NCALD: variants seen among roughly 807,000 people sequenced by gnomAD.
NCALD encodes neurocalcin delta, also known as neurocalcin-delta.
NCALD carries 10 observed loss-of-function variants against 18.6 expected under a neutral mutation model. The ratio of observed to expected loss-of-function variants is 0.54; its 90% confidence interval spans 0.33 to 0.91. The LOEUF (loss-of-function observed/expected upper bound fraction) is 0.91. NCALD is among the 40% of genes least tolerant of loss of function. The pLI is 0.03. For missense variants in NCALD, 184 were observed against 247.6 expected, an observed-to-expected ratio of 0.74 and a Z score of 1.72; for synonymous variants, 88 against 87.4, an observed-to-expected ratio of 1.01 and a Z score of -0.04.
At chr8:101,754,591 A>C (rs973930931) in intron 1 of NCALD, among the ~76,000 whole-genome samples, 5 of 152,068 alleles carry the variant, frequency 3.3e-5, no homozygotes, top group Non-Finnish European at 7.4e-5. Flanking sequence ...TGACATAATC[A>C]CTTCTCAAAG....
At chr8:101,853,877 G>C (rs577972475) in intron 4 of NCALD, among the ~76,000 whole-genome samples, 5 of 152,262 alleles carry the variant, frequency 3.3e-5, no homozygotes, top group African/African-American at 1.2e-4. Flanking sequence ...AACCTAGGGT[G>C]ACATTAAGAA....
Position 101,935,936 on chromosome 8 carries a change from G to A in NCALD, c.-156-20078C>T, listed in dbSNP as rs183716725. ...CTAAGTAAGAGAACAGATGAGATGC[G>A]GAGCACACGATTAGTGCTGGCTTTA... On this transcript the variant is annotated intron_variant, in intron 2 of 6. Coordinates refer to the NCALD transcript ENST00000311028. 9.3e-4 allele frequency among the ~76,000 whole-genome samples: 142 copies of A among 152,114 alleles called. 1 individual carries two copies. The highest frequency in any genetic ancestry group is 3.2e-3 in the African/African-American group (134 of 41,494).
chr8:102,038,855 G>A (rs1056548064), intron 1 of NCALD, among the ~76,000 whole-genome samples: 4 of 152,126 alleles, frequency 2.6e-5, no homozygotes, highest in Non-Finnish European at 5.9e-5. Context: ...TATGGCAAAT[G>A]GTGATGTGCT....
At chr8:101,812,556 C>A (rs1188693131) in intron 4 of NCALD, among the ~76,000 whole-genome samples, 1 of 152,102 alleles carries the variant, frequency 6.6e-6, no homozygotes, top group Non-Finnish European at 1.5e-5. Context: ...GTGAAATCCT[C>A]AGTTGACAGT....
At chr8:102,032,079 T>A (rs1178278362) in intron 1 of NCALD, among the ~76,000 whole-genome samples, 2 of 152,202 alleles carry the variant, frequency 1.3e-5, no homozygotes, top group Non-Finnish European at 2.9e-5. Flanking sequence ...GGACACTTGA[T>A]GACCATATGA....
upstream of NCALD, among the ~76,000 whole-genome samples, chr8:101,792,491 G>T (rs1812482805): frequency 6.6e-6 from 1 of 152,096 alleles, no homozygotes; most frequent in Non-Finnish European, 1.5e-5. Flanking sequence ...AAACTATAAG[G>T]AACTTTCCTC....
At chr8:101,816,473 G>C (rs950449566) in intron 4 of NCALD, among the ~76,000 whole-genome samples, 2 of 152,002 alleles carry the variant, frequency 1.3e-5, no homozygotes, top group Non-Finnish European at 2.9e-5. Context: ...TGTGCCCCCC[G>C]CCAACATAAT....
intron 2 of NCALD, among the ~76,000 whole-genome samples, chr8:101,961,466 T>C (rs1470967189): frequency 6.6e-6 from 1 of 152,216 alleles, no homozygotes. Flanking sequence ...ATGGTCAAAG[T>C]TTCCAGTCCT....
At chr8:101,865,070 G>A (rs1002778831) in intron 4 of NCALD, among the ~76,000 whole-genome samples, 1 of 152,110 alleles carries the variant, frequency 6.6e-6, no homozygotes, top group East Asian at 1.9e-4. Context: ...AGAAGTAAGG[G>A]GGTTCTAGTT....
chr8:102,091,035 G>A (rs1017223899), intron 1 of NCALD, among the ~76,000 whole-genome samples: 2 of 152,114 alleles, frequency 1.3e-5, no homozygotes, highest in Non-Finnish European at 2.9e-5. Flanking sequence ...ACAGGCCCAG[G>A]AGCCCCAATT....
chr8:102,085,380 T>C (rs951688394), intron 1 of NCALD, among the ~76,000 whole-genome samples: 3 of 152,200 alleles, frequency 2.0e-5, no homozygotes. Context: ...CTATGCAGCA[T>C]AAACAGTACT....
intron 4 of NCALD, among the ~76,000 whole-genome samples, chr8:101,808,905 C>CAG (rs146283686): frequency 2.0e-5 from 3 of 151,350 alleles, no homozygotes; most frequent in Admixed American, 6.6e-5. Flanking sequence ...GGGAGAGAGA[C>CAG]AGAGAGAGAG....
At chr8:101,737,440 A>G (rs2130654902) in intron 1 of NCALD, among the ~76,000 whole-genome samples, 1 of 152,242 alleles carries the variant, frequency 6.6e-6, no homozygotes, top group Non-Finnish European at 1.5e-5. Flanking sequence ...TCCTTTCTCA[A>G]AAATCTTCCA....
chr8:101,967,588 G>A lies in NCALD; in HGVS notation c.-156-51730C>T, dbSNP rs576487086. On this transcript the variant is annotated intron_variant, in intron 2 of 6. Coordinates refer to the NCALD transcript ENST00000311028. ...ATACTCTGCCACTGAGACAACTACA[G>A]TTTTGCTGCTAAAAGCAGAACACAG... Among the ~76,000 whole-genome samples the A allele has an allele frequency of 4.6e-5, 7 of 152,274 alleles. No homozygotes were observed. In the East Asian group the frequency reaches 1.4e-3, roughly 29 times the overall value.
intron 1 of NCALD, among the ~76,000 whole-genome samples, chr8:101,720,844 C>T (rs1816318832): frequency 6.6e-6 from 1 of 152,180 alleles, no homozygotes; most frequent in African/African-American, 2.4e-5. Flanking sequence ...CTCTCAATTA[C>T]CAGTGTGTTT....
chr8:101,814,718 G>A (rs532103223), intron 4 of NCALD, among the ~76,000 whole-genome samples: 1 of 152,028 alleles, frequency 6.6e-6, no homozygotes, highest in East Asian at 1.9e-4. Context: ...AAAGCCAAAA[G>A]AATCAAAAAA....
At chr8:101,875,426 C>A (rs1403505152) in intron 4 of NCALD, among the ~76,000 whole-genome samples, 1 of 152,198 alleles carries the variant, frequency 6.6e-6, no homozygotes, top group African/African-American at 2.4e-5. Flanking sequence ...CTGACCCTGT[C>A]CCTTTCATCA....
chr8:102,010,462 T>G (rs1206800719), intron 2 of NCALD, among the ~76,000 whole-genome samples: 1 of 152,208 alleles, frequency 6.6e-6, no homozygotes, highest in Non-Finnish European at 1.5e-5. Context: ...AATTAAAATT[T>G]TATTCTCTAG....
intron 1 of NCALD, among the ~76,000 whole-genome samples, chr8:101,780,139 CTTAAG>C (rs1468814498): frequency 1.3e-5 from 2 of 152,022 alleles, no homozygotes; most frequent in Admixed American, 1.3e-4. Context: ...TGATTCTATA[CTTAAG>C]TTATTTAAAA....
Sources: allele counts gnomAD v4.1 joint callset (sites outside exome capture counted in the v4.1 genomes callset), GRCh38; gene constraint gnomAD v4.1.1; transcripts MANE v1.5; gene names NCBI Gene and HGNC (gene_info 2026-07-23, HGNC 2026-07-21).